Variants in MRPS35 observed in about 807,000 individuals in gnomAD.
The protein encoded by MRPS35 is mitochondrial ribosomal protein S35.
In MRPS35, 29 loss-of-function variants were observed where a neutral mutation model predicts 32.7. The observed-to-expected ratio is 0.89, with a 90% CI of 0.66 to 1.21. The LOEUF (loss-of-function observed/expected upper bound fraction) is 1.21, where lower values mean the gene tolerates loss of function less well. Among genes scored for constraint, MRPS35 ranks in the 50% most tolerant of loss-of-function variants. The probability of loss-of-function intolerance (pLI) is 0.00; values close to 1 mark genes in which losing one functional copy is unlikely to be tolerated. For missense variants in MRPS35, 373 were observed against 383.8 expected (o/e 0.97, Z 0.23); for synonymous variants, 148 against 139.3 (o/e 1.06, Z -0.44).
intron 5 of MRPS35, among the ~76,000 whole-genome samples, chr12:27,733,445 ATACTT>A (rs1267486810): frequency 6.6e-6 from 1 of 152,176 alleles, no homozygotes; most frequent in Admixed American, 6.5e-5. Context: ...AAAAGCTAGA[ATACTT>A]TAAGCTTTTG....
At chr12:27,712,878 C>T (rs973418076) in intron 1 of MRPS35, among the ~76,000 whole-genome samples, 1 of 152,126 alleles carries the variant, frequency 6.6e-6, no homozygotes, top group African/African-American at 2.4e-5. Context: ...ATTAGCCAGA[C>T]GTGGTGGCCC....
intron 6 of MRPS35, 38 bp from the exon 7 acceptor site, chr12:27,737,501 T>G (rs1343289890): frequency 6.4e-7 from 1 of 1,563,764 alleles, no homozygotes; most frequent in Non-Finnish European, 8.8e-7. Flanking sequence ...TGTACTGAGT[T>G]TTTAGAATTT....
Position 27,724,138 on chromosome 12 carries a change from A to T in MRPS35, c.474A>T (p.Ser158=). Residue 158 remains serine, a synonymous_variant, in exon 5 of 8, where the codon TCA becomes TCT. Coordinates refer to ENST00000081029, the MANE Select transcript of MRPS35 (RefSeq NM_021821.4). ...AAATTGACAGCACTGATTATGTTTC[A>T]TCAGGACCATCTGTTCGGAACCCCA... is the stretch of plus-strand genomic sequence containing the variant. ...PIEIDSTDYV[S]SGPSVRNPRA... 1 of 1,611,836 alleles carries T rather than the reference A, an allele frequency of 6.2e-7. No individual in the cohort carries two copies.
intron 7 of MRPS35, among the ~76,000 whole-genome samples, chr12:27,740,384 C>T (rs2061959666): frequency 6.6e-6 from 1 of 152,092 alleles, no homozygotes; most frequent in Non-Finnish European, 1.5e-5. Flanking sequence ...CCTCCCACCT[C>T]AGCCTCCTGA....
chr12:27,714,882 T>C (rs897014980), intron 2 of MRPS35, 62 bp downstream of exon 2: 3 of 1,427,496 alleles, frequency 2.1e-6, no homozygotes, highest in African/African-American at 2.8e-5. Context: ...GAGGCAGATA[T>C]TCATTATAAG....
At chr12:27,742,849 A>G (rs1160194512) in intron 7 of MRPS35, among the ~76,000 whole-genome samples, 1 of 152,018 alleles carries the variant, frequency 6.6e-6, no homozygotes, top group African/African-American at 2.4e-5. Flanking sequence ...TTTACTAGAC[A>G]ATTTTAAAAG....
chr12:27,718,662 T>C (rs1300221300), intron 3 of MRPS35, among the ~76,000 whole-genome samples: 1 of 152,238 alleles, frequency 6.6e-6, no homozygotes, highest in African/African-American at 2.4e-5. Flanking sequence ...CATAAATATA[T>C]TCCTAACTTC....
intron 1 of MRPS35, among the ~76,000 whole-genome samples, chr12:27,713,868 G>A (rs1488778858): frequency 4.0e-5 from 6 of 151,832 alleles, no homozygotes; most frequent in African/African-American, 1.5e-4. Context: ...TGGGTGGATC[G>A]CTGGAGCTCA....
At chr12:27,751,377 G>C (rs531494422) in intron 7 of MRPS35, among the ~76,000 whole-genome samples, 2 of 152,272 alleles carry the variant, frequency 1.3e-5, no homozygotes, top group South Asian at 4.1e-4. Flanking sequence ...GCTGAAGTCC[G>C]AGGGGCGTGG....
At chr12:27,742,962 A>G (rs750209308) in intron 7 of MRPS35, among the ~76,000 whole-genome samples, 7 of 151,858 alleles carry the variant, frequency 4.6e-5, no homozygotes, top group Non-Finnish European at 1.0e-4. Flanking sequence ...CCAGGCTCAG[A>G]CGATCCTCTC....
At chr12:27,714,634 CA>C (rs531429538) in intron 1 of MRPS35, 145 bp from the exon 2 acceptor site, 62,803 of 352,768 alleles carry the variant, frequency 0.18, 2 homozygotes, top group East Asian at 0.21. Context: ...CTGAGCTTAC[CA>C]AAAAAAAAAA....
At chr12:27,753,890 T>A (rs2062015839) in intron 7 of MRPS35, among the ~76,000 whole-genome samples, 1 of 152,204 alleles carries the variant, frequency 6.6e-6, no homozygotes, top group Non-Finnish European at 1.5e-5. Context: ...GTAATAATTT[T>A]TGTAAGAAAA....
At chr12:27,747,237 G>A (rs540224340) in intron 7 of MRPS35, among the ~76,000 whole-genome samples, 3 of 152,184 alleles carry the variant, frequency 2.0e-5, no homozygotes, top group Non-Finnish European at 2.9e-5. Flanking sequence ...AAATTCATAT[G>A]AATCTTTTAA....
At chr12:27,725,537 C>T in intron 5 of MRPS35, 1 of 216,062 alleles carries the variant, frequency 4.6e-6, no homozygotes, top group Non-Finnish European at 9.3e-6. Flanking sequence ...AAGGATATAG[C>T]TCTTGAAGTT....
chr12:27,733,522 C>T (rs1447192326), intron 5 of MRPS35, among the ~76,000 whole-genome samples: 1 of 152,102 alleles, frequency 6.6e-6, no homozygotes, highest in Non-Finnish European at 1.5e-5. Context: ...TTAAAAAAGG[C>T]AAAATCACAA....
At chr12:27,747,080 G>A (rs2061984023) in intron 7 of MRPS35, among the ~76,000 whole-genome samples, 1 of 152,124 alleles carries the variant, frequency 6.6e-6, no homozygotes, top group Non-Finnish European at 1.5e-5. Context: ...GACATTCACA[G>A]CAATTTGCCA....
Position 27,737,589 on chromosome 12 carries a change from T to G in MRPS35, c.683T>G (p.Val228Gly), listed in dbSNP as rs1397690291. Residue 228 changes from valine to glycine, a missense_variant, in exon 7 of 8, where the codon GTG becomes GGG. Transcript: ENST00000081029. ...NYDYAVYLLT[V>G]LYHESWNTEE... ...GATTATGCAGTGTATCTACTAACAG[T>G]GTTATACCATGAGTCTTGGGTAAGT... The G allele has an allele frequency of 6.2e-7, 1 of 1,610,228 alleles. No individual in the cohort carries two copies. Among genetic ancestry groups the G allele is most frequent in the Non-Finnish European group, 8.5e-7 (1 of 1,176,772 alleles).
chr12:27,714,785 A>G lies in MRPS35; in HGVS notation c.118A>G (p.Arg40Gly), dbSNP rs2061842963. 1.2e-6 allele frequency: 2 copies of G among 1,610,540 alleles called. No homozygotes were observed. The highest frequency in any genetic ancestry group is 3.3e-5 in the Admixed American group (2 of 59,856). The change falls in exon 2 of 8, where the codon AGA (arginine) becomes GGA (glycine). Residue 40 changes from arginine (R) to glycine (G), a missense_variant. By Grantham distance (125) the Arg-to-Gly change is moderately radical. Coordinates refer to ENST00000081029, the MANE Select transcript of MRPS35 (RefSeq NM_021821.4). ...GTGTTATCTTTTACGTACAGCGGAA[A>G]GAACACCCGGAAATGAAAGGCCACC... ...TPVPTPSLPE[R>G]TPGNERPPRR...
intron 4 of MRPS35, among the ~76,000 whole-genome samples, chr12:27,720,573 A>G (rs1050563288): frequency 1.9e-4 from 29 of 151,944 alleles, no homozygotes; most frequent in Non-Finnish European, 1.6e-4. Context: ...CACTAGCCTT[A>G]TGTGCTTTCT....
Sources: gnomAD v4.1 joint callset for allele counts (sites outside exome capture counted in the v4.1 genomes callset) on GRCh38, gnomAD v4.1.1 for gene constraint, MANE v1.5 for transcripts, NCBI Gene and HGNC (gene_info 2026-07-23, HGNC 2026-07-21) for gene names.